Variants in DDR2 observed in about 807,000 individuals in gnomAD.
DDR2 encodes the protein discoidin domain receptor tyrosine kinase 2.
Under a neutral mutation model 94.9 loss-of-function variants are expected in DDR2, and 27 were observed. The ratio of observed to expected loss-of-function variants is 0.28; its 90% CI spans 0.21 to 0.39. The LOEUF (loss-of-function observed/expected upper bound fraction) is 0.39. DDR2 is among the 10% of genes least tolerant of loss of function. DDR2 has a pLI of 1.00. For synonymous variants in DDR2, 382 were observed against 377.2 expected, an observed-to-expected ratio of 1.01 and a Z score of -0.15; for missense variants, 783 against 1,076.0, an observed-to-expected ratio of 0.73 and a Z score of 3.81.
chr1:162,736,543 G>A (rs1027049144), intron 3 of DDR2, among the ~76,000 whole-genome samples: 12 of 152,160 alleles, frequency 7.9e-5, no homozygotes, highest in Admixed American at 7.2e-4. Flanking sequence ...GAAATATTGG[G>A]TGGAAAATGC....
Position 162,770,426 on chromosome 1 carries a change from G to A in DDR2, c.1418G>A (p.Arg473His), listed in dbSNP as rs775098890. 21 of 1,613,870 alleles carry A rather than the reference G, an allele frequency of 1.3e-5. No individual in the cohort carries two copies. The highest frequency in any genetic ancestry group is 6.7e-5 in the African/African-American group (5 of 74,858). The change falls in exon 12 of 18, where the codon CGC becomes CAC. Residue 473 changes from arginine to histidine, a missense_variant. This residue lies in a region of DDR2 where 519 missense variants were observed against 647.9 expected (regional missense o/e 0.80). Transcript: ENST00000367921. ...CAAGGGTCCAACTCGACTTACGATC[G>A]CATCTTTCCCCTTCGCCCTGACTAC... ...SEQGSNSTYD[R>H]IFPLRPDYQE...
chr1:162,760,489 T>C (rs1231549959), intron 8 of DDR2, among the ~76,000 whole-genome samples: 1 of 113,698 alleles, frequency 8.8e-6, no homozygotes, highest in Non-Finnish European at 2.0e-5. Flanking sequence ...TACAACTATA[T>C]ATGTATATAC....
intron 7 of DDR2, among the ~76,000 whole-genome samples, chr1:162,757,898 G>A (rs1663534863): frequency 6.6e-6 from 1 of 152,154 alleles, no homozygotes; most frequent in African/African-American, 2.4e-5. Flanking sequence ...GAGAAAAAGG[G>A]TCAGATGAAG....
chr1:162,773,706 G>A lies in DDR2; in HGVS notation c.1856+110G>A. On this transcript the variant is annotated intron_variant, in intron 14 of 17. Transcript: ENST00000367921. ...TCTTTTGAGATGGGAAGGTCAGTGA[G>A]CTGCCTCCCATTTCCACTGTTATCC... 3.5e-6 allele frequency: 5 copies of A among 1,435,286 alleles called. No individual in the cohort carries two copies. The South Asian group carries it at 4.7e-5, about 13-fold the overall frequency. The allele number at this position is 1,435,286 out of a possible 1,614,324, so 88.9% of individuals were successfully genotyped here. A position where few individuals can be genotyped will look rare whatever the true frequency, so the allele number is the denominator to read the frequency against.
chr1:162,749,688 G>C (rs1448091914), intron 3 of DDR2, among the ~76,000 whole-genome samples: 1 of 152,116 alleles, frequency 6.6e-6, no homozygotes, highest in Admixed American at 6.5e-5. Context: ...CCAAAGACTA[G>C]CAGAGACACA....
At chr1:162,768,609 T>C (rs1318325571) in intron 11 of DDR2, among the ~76,000 whole-genome samples, 1 of 152,170 alleles carries the variant, frequency 6.6e-6, no homozygotes, top group South Asian at 2.1e-4. Context: ...GAAAAATGGC[T>C]CAAATCAGGG....
At chr1:162,742,474 C>T (rs1009102334) in intron 3 of DDR2, among the ~76,000 whole-genome samples, 3 of 152,100 alleles carry the variant, frequency 2.0e-5, no homozygotes, top group Non-Finnish European at 2.9e-5. Flanking sequence ...AGTGGGGTGG[C>T]GGGGAAGGGA....
chr1:162,736,687 A>G (rs1662314413), intron 3 of DDR2, among the ~76,000 whole-genome samples: 1 of 152,326 alleles, frequency 6.6e-6, no homozygotes, highest in East Asian at 1.9e-4. Context: ...AAGAAAAACT[A>G]CTGCCAGTTA....
intron 9 of DDR2, among the ~76,000 whole-genome samples, chr1:162,765,458 C>T (rs917381674): frequency 7.2e-5 from 11 of 152,114 alleles, no homozygotes; most frequent in African/African-American, 2.4e-5. Flanking sequence ...CTGGCAAATA[C>T]GCTTTTGTGG....
chr1:162,669,104 A>G (rs1040615595), intron 2 of DDR2, among the ~76,000 whole-genome samples: 2 of 152,264 alleles, frequency 1.3e-5, no homozygotes, highest in African/African-American at 4.8e-5. Context: ...AAATACATGC[A>G]GGATTTTTAA....
At chr1:162,661,426 C>G (rs1296703844) in intron 2 of DDR2, among the ~76,000 whole-genome samples, 1 of 152,236 alleles carries the variant, frequency 6.6e-6, no homozygotes, top group Admixed American at 6.5e-5. Context: ...CTGGCCTATT[C>G]ACTGGGCAGA....
intron 1 of DDR2, among the ~76,000 whole-genome samples, chr1:162,636,555 T>C (rs185565020): frequency 6.6e-6 from 1 of 152,252 alleles, no homozygotes; most frequent in Non-Finnish European, 1.5e-5. Flanking sequence ...ATGTGATAAA[T>C]AGAACTTCAG....
In DDR2 at chr1:162,755,578, C is replaced by T. The variant is rs578130186; in HGVS notation, c.566-86C>T. 12 of 1,323,904 alleles carry T rather than the reference C, an allele frequency of 9.1e-6. No homozygotes were observed. In the Admixed American group the frequency reaches 1.8e-4, roughly 20 times the overall value. The allele number at this position is 1,323,904 out of a possible 1,614,324, so 82.0% of individuals were successfully genotyped here. A position where few individuals can be genotyped will look rare whatever the true frequency, so the allele number is the denominator to read the frequency against. On this transcript the variant is annotated intron_variant, in intron 6 of 17. Coordinates refer to ENST00000367921, the MANE Select transcript of DDR2 (RefSeq NM_006182.4). Reference sequence around the variant, plus strand: ...ATGGAGTCCTGCTGGACACGCTGTGCAAGCTTATACCCTTGAAACTCACAT... The same window carrying T: ...ATGGAGTCCTGCTGGACACGCTGTGTAAGCTTATACCCTTGAAACTCACAT...
intron 3 of DDR2, among the ~76,000 whole-genome samples, chr1:162,730,066 A>G (rs1661955758): frequency 6.6e-6 from 1 of 151,392 alleles, no homozygotes; most frequent in South Asian, 2.1e-4. Context: ...TGCAAAAAAA[A>G]AAAAAAAAAT....
At chr1:162,693,630 G>A (rs865955263) in intron 2 of DDR2, among the ~76,000 whole-genome samples, 7 of 152,236 alleles carry the variant, frequency 4.6e-5, no homozygotes, top group Middle Eastern at 3.4e-3. Flanking sequence ...GTGGTATTAG[G>A]GGATAAGAGG....
chr1:162,638,537 T>A (rs936699483), intron 1 of DDR2, among the ~76,000 whole-genome samples: 2 of 152,192 alleles, frequency 1.3e-5, no homozygotes, highest in Non-Finnish European at 2.9e-5. Context: ...CTTCCATTTC[T>A]TGCTGGAAGT....
chr1:162,686,406 C>T (rs114801771), intron 2 of DDR2, among the ~76,000 whole-genome samples: 82 of 152,196 alleles, frequency 5.4e-4, no homozygotes, highest in African/African-American at 1.9e-3. Flanking sequence ...TGTGATATCC[C>T]ACTCCCTGTG....
At chr1:162,732,282 T>G (rs1286009816) in intron 3 of DDR2, among the ~76,000 whole-genome samples, 1 of 152,196 alleles carries the variant, frequency 6.6e-6, no homozygotes, top group Non-Finnish European at 1.5e-5. Context: ...GGAATCCCAT[T>G]GTGTCAATAT....
chr1:162,742,622 C>T (rs545262493), intron 3 of DDR2, among the ~76,000 whole-genome samples: 99 of 152,340 alleles, frequency 6.5e-4, no homozygotes, highest in Middle Eastern at 6.8e-3. Context: ...ACCCACCAGC[C>T]CCCACCTCCA....
Sources: gnomAD v4.1 joint callset for allele counts (sites outside exome capture counted in the v4.1 genomes callset) on GRCh38, gnomAD v4.1.1 for gene constraint, gnomAD v4.1.1 regional missense constraint, MANE v1.5 for transcripts, NCBI Gene and HGNC (gene_info 2026-07-23, HGNC 2026-07-21) for gene names.